Variants in WWC2 observed in about 807,000 individuals in gnomAD.
WWC2 encodes the protein protein WWC2.
WWC2 carries 101 observed loss-of-function variants against 138.5 expected under a neutral mutation model. That is an observed-to-expected ratio of 0.73 (90% CI 0.62 to 0.86). WWC2 has a LOEUF of 0.86. WWC2 is among the 40% of genes least tolerant of loss of function. The pLI is 0.00. For synonymous variants in WWC2, 558 were observed against 538.4 expected, an observed-to-expected ratio of 1.04 and a Z score of -0.50; for missense variants, 1,420 against 1,419.4, an observed-to-expected ratio of 1.00 and a Z score of -0.01.
chr4:183,309,603 A>G (rs969304112), intron 21 of WWC2, among the ~76,000 whole-genome samples: 1 of 152,260 alleles, frequency 6.6e-6, no homozygotes, highest in Non-Finnish European at 1.5e-5. Context: ...GTGGAGCAAC[A>G]GGAACTCTCA....
At position 183,319,430 on chromosome 4, in the gene WWC2, A is replaced by T; in HGVS notation, c.*3701A>T. On this transcript the variant is annotated 3_prime_UTR_variant, in exon 23 of 23. Coordinates refer to ENST00000403733, the MANE Select transcript of WWC2 (RefSeq NM_024949.6). ...CAGTCTTGGAAAGAAACTATAGTTTAATAGCCACAGGAAAAGATGCATTTT... is the reference window on the plus strand; with the variant it reads ...CAGTCTTGGAAAGAAACTATAGTTTTATAGCCACAGGAAAAGATGCATTTT... 9.6e-7 allele frequency: 1 copy of T among 1,039,896 alleles called. No homozygotes were observed. Among genetic ancestry groups the T allele is most frequent in the Non-Finnish European group, 1.4e-6 (1 of 709,622 alleles). 64.4% of individuals were successfully genotyped at this position (1,039,896 alleles called of 1,614,324 possible).
intron 1 of WWC2, among the ~76,000 whole-genome samples, chr4:183,161,626 A>C (rs1733961472): frequency 6.6e-6 from 1 of 152,244 alleles, no homozygotes; most frequent in African/African-American, 2.4e-5. Flanking sequence ...TAATATTAAA[A>C]TACCATATTT....
intron 22 of WWC2, among the ~76,000 whole-genome samples, chr4:183,314,168 A>G (rs1739358832): frequency 6.6e-6 from 1 of 152,060 alleles, no homozygotes; most frequent in South Asian, 2.1e-4. Context: ...AACACCCTGC[A>G]GTAGAGAGGT....
At chr4:183,113,532 G>A (rs575289580) in intron 1 of WWC2, among the ~76,000 whole-genome samples, 42 of 148,216 alleles carry the variant, frequency 2.8e-4, no homozygotes, top group Admixed American at 1.5e-3. Context: ...GCGTGCGCGC[G>A]CACATGCACG....
chr4:183,188,521 A>C (rs1395397781), intron 1 of WWC2, among the ~76,000 whole-genome samples: 1 of 152,098 alleles, frequency 6.6e-6, no homozygotes, highest in Non-Finnish European at 1.5e-5. Context: ...TACAGGTATT[A>C]GCCACTGCAC....
chr4:183,299,588 G>T (rs973415601), intron 21 of WWC2, among the ~76,000 whole-genome samples: 1 of 152,118 alleles, frequency 6.6e-6, no homozygotes, highest in African/African-American at 2.4e-5. Flanking sequence ...ACTTTCCATT[G>T]TGTGCCTTTC....
At chr4:183,137,245 T>TA (rs1207253788) in intron 1 of WWC2, among the ~76,000 whole-genome samples, 1 of 152,228 alleles carries the variant, frequency 6.6e-6, no homozygotes, top group Non-Finnish European at 1.5e-5. Context: ...ATTTTGACTT[T>TA]AAAACTTTAA....
intron 1 of WWC2, among the ~76,000 whole-genome samples, chr4:183,189,909 C>T (rs552992839): frequency 1.3e-5 from 2 of 152,248 alleles, no homozygotes; most frequent in East Asian, 3.9e-4. Flanking sequence ...TGTGGCATCT[C>T]ATGTCGTAGG....
At chr4:183,203,753 A>G (rs1224553108) in intron 2 of WWC2, 1 of 152,194 alleles carries the variant, frequency 6.6e-6, no homozygotes, top group Non-Finnish European at 1.5e-5. Flanking sequence ...CTCTAGTAGA[A>G]TCTTAGAAAA....
intron 19 of WWC2, among the ~76,000 whole-genome samples, 153 bp downstream of exon 19, chr4:183,284,543 G>A (rs554202468): frequency 5.3e-5 from 8 of 152,346 alleles, no homozygotes; most frequent in South Asian, 4.1e-4. Flanking sequence ...AGAATATCAC[G>A]TGCTTATGGT....
At chr4:183,212,770 A>G (rs577381896) in intron 4 of WWC2, among the ~76,000 whole-genome samples, 8 of 152,186 alleles carry the variant, frequency 5.3e-5, no homozygotes, top group Admixed American at 5.2e-4. Flanking sequence ...CATCCCAATC[A>G]GGGGTAGCAC....
chr4:183,289,395 G>T lies in WWC2; in HGVS notation c.3144G>T (p.Thr1048=). The change falls in exon 21 of 23, where the codon ACG becomes ACT. Residue 1048 remains threonine (T), a splice_region_variant and synonymous_variant. Transcript: ENST00000403733. Reference sequence around the variant, plus strand: ...TCATTCCGTTTCTAACTATCCAGACGGTTTGCCAGTCAGTCCTTAGAAGAA... The same window carrying T: ...TCATTCCGTTTCTAACTATCCAGACTGTTTGCCAGTCAGTCCTTAGAAGAA... ...TERRSLRVKR[T]VCQSVLRRTT... 1 of 1,610,888 alleles carries T rather than the reference G, an allele frequency of 6.2e-7. No individual in the cohort carries two copies. Among genetic ancestry groups the T allele is most frequent in the South Asian group, 1.1e-5 (1 of 90,336 alleles).
At chr4:183,170,103 A>G (rs997859238) in intron 1 of WWC2, among the ~76,000 whole-genome samples, 2 of 152,196 alleles carry the variant, frequency 1.3e-5, no homozygotes, top group African/African-American at 4.8e-5. Flanking sequence ...AGCAGAAATA[A>G]TGCTGAGAGG....
chr4:183,224,423 T>C (rs1736012771), intron 4 of WWC2, among the ~76,000 whole-genome samples: 2 of 152,228 alleles, frequency 1.3e-5, no homozygotes. Flanking sequence ...TCCCCCTGCA[T>C]CACCACTTCT....
intron 1 of WWC2, among the ~76,000 whole-genome samples, chr4:183,127,916 G>A (rs1043740156): frequency 8.6e-5 from 13 of 151,740 alleles, no homozygotes; most frequent in South Asian, 4.1e-4. Flanking sequence ...ATTTTCCAAG[G>A]AAACTATGAG....
At chr4:183,156,387 G>GT (rs1184613337) in intron 1 of WWC2, among the ~76,000 whole-genome samples, 4 of 137,174 alleles carry the variant, frequency 2.9e-5, no homozygotes, top group Non-Finnish European at 6.1e-5. Context: ...TCAGGCTGTA[G>GT]TGCAGTGGCA....
intron 21 of WWC2, among the ~76,000 whole-genome samples, chr4:183,292,316 T>C (rs1738483047): frequency 6.6e-6 from 1 of 151,726 alleles, no homozygotes; most frequent in African/African-American, 2.4e-5. Context: ...GAGACCAGCC[T>C]GAGTGACATA....
At chr4:183,123,645 C>G (rs967322889) in intron 1 of WWC2, among the ~76,000 whole-genome samples, 8 of 151,966 alleles carry the variant, frequency 5.3e-5, no homozygotes, top group African/African-American at 1.9e-4. Flanking sequence ...AGCATAATAT[C>G]ATTTCTTAAA....
chr4:183,208,208 T>C, intron 3 of WWC2, 52 bp downstream of exon 3: 8 of 1,572,342 alleles, frequency 5.1e-6, no homozygotes, highest in Non-Finnish European at 7.0e-6. Flanking sequence ...GAATTGTAGA[T>C]AACAGAAGAC....
Sources: allele counts gnomAD v4.1 joint callset (sites outside exome capture counted in the v4.1 genomes callset), GRCh38; gene constraint gnomAD v4.1.1; transcripts MANE v1.5; gene names NCBI Gene and HGNC (gene_info 2026-07-23, HGNC 2026-07-21).